Variants in FSIP1 observed in about 807,000 individuals in gnomAD.
The protein encoded by FSIP1 is fibrous sheath-interacting protein 1.
A neutral mutation model predicts 60.9 loss-of-function variants in FSIP1; 65 were observed. The ratio of observed to expected loss-of-function variants is 1.07; its 90% CI spans 0.87 to 1.31. FSIP1 has a LOEUF of 1.31. Among genes scored for constraint, FSIP1 ranks in the 40% most tolerant of loss-of-function variants. The probability of loss-of-function intolerance (pLI) is 0.00; values close to 1 mark genes in which losing one functional copy is unlikely to be tolerated. For missense variants in FSIP1, 675 were observed against 665.5 expected (o/e 1.01, Z -0.16); for synonymous variants, 209 against 221.2 (o/e 0.94, Z 0.49).
chr15:39,599,648 C>T (rs1890572159), downstream of FSIP1, among the ~76,000 whole-genome samples: 1 of 152,098 alleles, frequency 6.6e-6, no homozygotes, highest in South Asian at 2.1e-4. Context: ...ACACTGGCCC[C>T]TCTCTGCCCC....
intron 10 of FSIP1, among the ~76,000 whole-genome samples, chr15:39,634,167 C>G (rs900735501): frequency 1.3e-5 from 2 of 152,200 alleles, no homozygotes; most frequent in African/African-American, 2.4e-5. Flanking sequence ...TGCTTTCCCC[C>G]TCTCTACTGG....
At chr15:39,659,414 C>T (rs959124539) in intron 10 of FSIP1, among the ~76,000 whole-genome samples, 47 of 151,714 alleles carry the variant, frequency 3.1e-4, no homozygotes, top group African/African-American at 9.7e-4. Flanking sequence ...TGGTGGCGGG[C>T]GCCTGTAGTC....
chr15:39,605,364 T>C (rs1210386144), intron 11 of FSIP1, among the ~76,000 whole-genome samples: 3 of 152,220 alleles, frequency 2.0e-5, no homozygotes, highest in African/African-American at 7.2e-5. Context: ...ATGATCTTGA[T>C]ACTCACTGTG....
At chr15:39,748,235 G>C (rs1677389349) in intron 5 of FSIP1, among the ~76,000 whole-genome samples, 3 of 151,918 alleles carry the variant, frequency 2.0e-5, no homozygotes, top group Admixed American at 2.0e-4. Flanking sequence ...TCAGTTTTCA[G>C]AAACTAATAA....
In FSIP1 at chr15:39,770,487, C is replaced by A; in HGVS notation, c.250G>T (p.Glu84Ter). 1 of 1,612,026 alleles carries A rather than the reference C, an allele frequency of 6.2e-7. No homozygotes were observed. Among genetic ancestry groups the A allele is most frequent in the South Asian group, 1.1e-5 (1 of 90,646 alleles). ...ESCSEKIKLAEEGSDEDLDLV... is the reference protein window; with the variant it reads ...ESCSEKIKLA ...TCCAGATCTTCATCTGATCCCTCTTCAGCCAATTTTATTTTCTCAGAGCAG... is the reference window on the plus strand; with the variant it reads ...TCCAGATCTTCATCTGATCCCTCTTAAGCCAATTTTATTTTCTCAGAGCAG... The change falls in exon 3 of 12, where the codon GAA becomes TAA. Residue 84 changes from glutamate (E) to a stop codon, truncating the protein, a stop_gained. Coordinates refer to ENST00000350221, the MANE Select transcript of FSIP1 (RefSeq NM_152597.5). LOFTEE classifies it high-confidence loss of function.
At chr15:39,744,777 T>TCACACAAA in intron 5 of FSIP1, among the ~76,000 whole-genome samples, 1 of 138,066 alleles carries the variant, frequency 7.2e-6, no homozygotes, top group East Asian at 2.2e-4. Context: ...TCCCCCTCAG[T>TCACACAAA]CACACACACA....
chr15:39,600,872 G>T lies in FSIP1; in HGVS notation c.*8C>A, dbSNP rs780448719. 1 of 1,601,190 alleles carries T rather than the reference G, an allele frequency of 6.2e-7. No individual in the cohort carries two copies. Among genetic ancestry groups the T allele is most frequent in the Admixed American group, 1.8e-5 (1 of 56,948 alleles). On this transcript the variant is annotated 3_prime_UTR_variant, in exon 12 of 12. Transcript: ENST00000350221. ...ACTTTCTGAAAAGCACACCCAGCAA[G>T]TCCTTGATTAGGGTTCTTTACATTC...
At chr15:39,714,497 C>T (rs1895658093) in intron 9 of FSIP1, among the ~76,000 whole-genome samples, 2 of 150,304 alleles carry the variant, frequency 1.3e-5, no homozygotes, top group South Asian at 4.3e-4. Flanking sequence ...GGAATACTAT[C>T]TAGTTGCCAA....
chr15:39,688,484 T>C (rs1195245691), intron 10 of FSIP1, among the ~76,000 whole-genome samples: 1 of 152,188 alleles, frequency 6.6e-6, no homozygotes, highest in Non-Finnish European at 1.5e-5. Context: ...AGAATGTTGG[T>C]ATAGGTATTC....
At chr15:39,694,003 T>C (rs1409853692) in intron 10 of FSIP1, among the ~76,000 whole-genome samples, 33 of 152,186 alleles carry the variant, frequency 2.2e-4, no homozygotes, top group Non-Finnish European at 1.5e-5. Context: ...ATTTAATCTT[T>C]CTACAATATA....
At chr15:39,654,507 A>G (rs1213966117) in intron 10 of FSIP1, among the ~76,000 whole-genome samples, 1 of 152,232 alleles carries the variant, frequency 6.6e-6, no homozygotes, top group Non-Finnish European at 1.5e-5. Context: ...GAAATATTGC[A>G]ACTCAGCAGA....
chr15:39,689,413 G>A (rs1406856414), intron 10 of FSIP1, among the ~76,000 whole-genome samples: 1 of 152,092 alleles, frequency 6.6e-6, no homozygotes, highest in East Asian at 1.9e-4. Flanking sequence ...ATCTAGGGTG[G>A]ACTGAAAGTT....
At chr15:39,696,085 A>C (rs1894801861) in intron 10 of FSIP1, among the ~76,000 whole-genome samples, 1 of 152,228 alleles carries the variant, frequency 6.6e-6, no homozygotes, top group African/African-American at 2.4e-5. Flanking sequence ...GATCACTTCA[A>C]GAAACAAAAA....
chr15:39,722,860 G>A (rs1208862049), intron 9 of FSIP1, among the ~76,000 whole-genome samples: 1 of 152,022 alleles, frequency 6.6e-6, no homozygotes. Context: ...GGCCCAGGAG[G>A]TAAAGGCTGC....
intron 10 of FSIP1, among the ~76,000 whole-genome samples, chr15:39,665,454 C>G (rs1893458936): frequency 6.6e-6 from 1 of 152,130 alleles, no homozygotes; most frequent in African/African-American, 2.4e-5. Context: ...TATTACTTTT[C>G]TTTACTTGCA....
At chr15:39,637,437 T>C (rs1379368774) in intron 10 of FSIP1, among the ~76,000 whole-genome samples, 1 of 152,182 alleles carries the variant, frequency 6.6e-6, no homozygotes, top group East Asian at 1.9e-4. Context: ...AATTTAAGGC[T>C]GCTCCTTCCA....
chr15:39,713,612 C>T, intron 9 of FSIP1, 31 bp from the exon 10 acceptor site: 1 of 1,570,028 alleles, frequency 6.4e-7, no homozygotes, highest in Non-Finnish European at 8.6e-7. Flanking sequence ...AAACATCATT[C>T]ACAGGCTGGA....
At chr15:39,617,605 A>G (rs1430671973) in intron 11 of FSIP1, 130 bp downstream of exon 11, 6 of 723,346 alleles carry the variant, frequency 8.3e-6, no homozygotes, top group East Asian at 7.8e-5. Context: ...TTATGTTTGC[A>G]TACTCTTATT....
intron 10 of FSIP1, among the ~76,000 whole-genome samples, chr15:39,663,196 C>G (rs1045703434): frequency 6.6e-6 from 1 of 151,994 alleles, no homozygotes; most frequent in Non-Finnish European, 1.5e-5. Flanking sequence ...AAATTTAATT[C>G]GACTTTTTCC....
Sources: allele counts gnomAD v4.1 joint callset (sites outside exome capture counted in the v4.1 genomes callset), GRCh38; gene constraint gnomAD v4.1.1; transcripts MANE v1.5; gene names NCBI Gene and HGNC (gene_info 2026-07-23, HGNC 2026-07-21).